HYAL1: variants seen among roughly 807,000 people sequenced by gnomAD.
HYAL1 encodes hyaluronidase 1.
A neutral mutation model predicts 28.8 loss-of-function variants in HYAL1; 21 were observed. That is an observed-to-expected ratio of 0.73 (90% confidence interval 0.52 to 1.05). The LOEUF (loss-of-function observed/expected upper bound fraction) is 1.05, where lower values mean the gene tolerates loss of function less well. Ranked by LOEUF, HYAL1 falls within the 50% of genes least tolerant of loss-of-function variation. The pLI is 0.00. For missense variants in HYAL1, 491 were observed against 579.2 expected (o/e 0.85, Z 1.56); for synonymous variants, 200 against 230.1 (o/e 0.87, Z 1.18).
upstream of HYAL1, among the ~76,000 whole-genome samples, chr3:50,308,120 C>T (rs929585606): frequency 6.7e-6 from 1 of 149,196 alleles, no homozygotes; most frequent in African/African-American, 2.5e-5. Flanking sequence ...TTTATATAAT[C>T]AAGTTGTCGT....
chr3:50,301,851 T>G (rs1342912514), intron 2 of HYAL1, among the ~76,000 whole-genome samples: 1 of 150,284 alleles, frequency 6.7e-6, no homozygotes, highest in African/African-American at 2.5e-5. Context: ...ACTCGGAGGC[T>G]GAGGCAGGAG....
intron 1 of HYAL1, among the ~76,000 whole-genome samples, chr3:50,311,723 T>C (rs1190556761): frequency 1.3e-4 from 15 of 117,980 alleles, no homozygotes; most frequent in South Asian, 2.9e-4. Flanking sequence ...GTGGGGCTGA[T>C]CCCCCCACCT....
chr3:50,311,401 C>T lies in HYAL1; in HGVS notation c.-310+863G>A, dbSNP rs1285700193. 9.4e-4 allele frequency among the ~76,000 whole-genome samples: 130 copies of T among 137,948 alleles called. 2 individuals are homozygous for T. Among genetic ancestry groups the T allele is most frequent in the Non-Finnish European group, 1.4e-3 (90 of 62,870 alleles). The allele number at this position is 137,948 out of a possible 152,430, so 90.5% of individuals were successfully genotyped here. ...CCCAGTAGGGGCGGCCGGGCAGAGGCGCCCCTCACCTCCCGGATGGGGCGG... is the reference window on the plus strand; with the variant it reads ...CCCAGTAGGGGCGGCCGGGCAGAGGTGCCCCTCACCTCCCGGATGGGGCGG... On this transcript the variant is annotated intron_variant, in intron 1 of 5. Transcript: ENST00000320295.
upstream of HYAL1, among the ~76,000 whole-genome samples, chr3:50,305,073 A>G (rs1559823140): frequency 6.6e-6 from 1 of 152,220 alleles, no homozygotes; most frequent in Admixed American, 6.5e-5. Context: ...GCTTACAGAC[A>G]TAGATGCATA....
At chr3:50,300,942 C>CGGGGGGGGGGGGGGGGGGGGGGG in intron 3 of HYAL1, 46 bp downstream of exon 3, 1 of 535,868 alleles carries the variant, frequency 1.9e-6, no homozygotes, top group South Asian at 1.5e-5. Context: ...AGCTTAATGG[C>CGGGGGGGGGGGGGGGGGGGGGGG]CCCACCCCTC....
Position 50,302,084 on chromosome 3 carries a change from A to G in HYAL1, c.873T>C (p.Tyr291=), listed in dbSNP as rs1239417242. 23 of 1,614,116 alleles carry G rather than the reference A, an allele frequency of 1.4e-5. No homozygotes were observed. The highest frequency in any genetic ancestry group is 1.7e-5 in the Non-Finnish European group (20 of 1,180,046). Residue 291 remains tyrosine (Y), a synonymous_variant, in exon 2 of 4, where the codon TAT becomes TAC. Coordinates refer to ENST00000395144, the MANE Select transcript of HYAL1 (RefSeq NM_033159.4). This position sits in a 1 kb window ranked among gnomAD's most constrained non-coding sequence, Gnocchi z 5.0. ...GGGGCAGAAAGTGGTTTGTCGTGTC[A>G]TAGAAGATCTGGACATAGGGCAGCA... ...LPVLPYVQIF[Y]DTTNHFLPLD... is the part of the protein sequence containing the mutation.
At chr3:50,301,615 CAAAAAAAAAA>C (rs34686771) in intron 2 of HYAL1, among the ~76,000 whole-genome samples, 1 of 45,918 alleles carries the variant, frequency 2.2e-5, no homozygotes, top group African/African-American at 8.5e-5. Context: ...GACTCCGTCT[CAAAAAAAAAA>C]AAAAAAAAAG....
In HYAL1 at chr3:50,300,582, G is replaced by A. The variant is rs1553712428; in HGVS notation, c.1209C>T (p.Ala403=). Residue 403 remains alanine (A), a synonymous_variant, in exon 4 of 4, where the codon GCC becomes GCT. Coordinates refer to ENST00000395144, the MANE Select transcript of HYAL1 (RefSeq NM_033159.4). Reference sequence around the variant, plus strand: ...TCTGTGCCTGATCTTCAAGTGAGAGGGCACCCCGCAGGCTCAGGGGCCCAC... The same window carrying A: ...TCTGTGCCTGATCTTCAAGTGAGAGAGCACCCCGCAGGCTCAGGGGCCCAC... ...PGGGPLSLRG[A]LSLEDQAQMA... is the part of the protein sequence containing the mutation. The A allele has an allele frequency of 5.0e-6, 8 of 1,614,202 alleles. No homozygotes were observed. The Admixed American group carries it at 1.3e-4, about 27-fold the overall frequency.
chr3:50,305,382 T>A (rs1553713863), upstream of HYAL1, among the ~76,000 whole-genome samples: 1 of 151,918 alleles, frequency 6.6e-6, no homozygotes, highest in Non-Finnish European at 1.5e-5. Context: ...TAGCTGGGAC[T>A]ACAGGCGCCC....
rs1702083003 is a variant in HYAL1, at chr3:50,300,546, C to T, written c.1245G>A (p.Glu415=). The T allele has an allele frequency of 1.9e-6, 3 of 1,614,270 alleles. No individual in the cohort carries two copies. The highest frequency in any genetic ancestry group is 4.5e-5 in the East Asian group (2 of 44,892). ...AGCCAGGGTAGCATCGACATTTGAA[C>T]TCCACAGCCATCTGTGCCTGATCTT... ...SLEDQAQMAV[E]FKCRCYPGWQ... The change falls in exon 4 of 4, where the codon GAG becomes GAA. Residue 415 remains glutamate (E), a synonymous_variant. Coordinates refer to ENST00000395144, the MANE Select transcript of HYAL1 (RefSeq NM_033159.4).
At position 50,302,635 on chromosome 3, in the gene HYAL1, G is replaced by C; in HGVS notation, c.322C>G (p.Arg108Gly). Residue 108 changes from arginine (R) to glycine (G), a missense_variant, in exon 2 of 4, where the codon CGC becomes GGC. Transcript: ENST00000395144. This position sits in a 1 kb window ranked among gnomAD's most constrained non-coding sequence, Gnocchi z 5.0. ...QNASLIAHLA[R>G]TFQDILAAIP... is the part of the protein sequence containing the mutation. ...GCAGCCAGGATGTCCTGGAATGTGC[G>C]GGCCAGGTGGGCAATCAGGCTGGCA... The C allele has an allele frequency of 1.6e-5, 26 of 1,614,184 alleles. No individual in the cohort carries two copies. Among genetic ancestry groups the C allele is most frequent in the Non-Finnish European group, 2.1e-5 (25 of 1,180,048 alleles).
At chr3:50,311,260 C>G (rs7372248) in intron 1 of HYAL1, among the ~76,000 whole-genome samples, 1 of 115,630 alleles carries the variant, frequency 8.6e-6, no homozygotes, top group Non-Finnish European at 1.9e-5. Flanking sequence ...CCGGCCGGGG[C>G]GGGGGGCTGA....
upstream of HYAL1, among the ~76,000 whole-genome samples, chr3:50,305,772 G>C (rs1005920691): frequency 6.6e-6 from 1 of 151,104 alleles, no homozygotes; most frequent in Non-Finnish European, 1.5e-5. Flanking sequence ...CTGACCTTGT[G>C]ATCTGCCCAC....
upstream of HYAL1, among the ~76,000 whole-genome samples, chr3:50,304,314 T>A (rs1354974812): frequency 6.0e-3 from 423 of 69,932 alleles, 10 homozygotes; most frequent in East Asian, 0.024. Context: ...TATATATATA[T>A]ATATATATAT....
Position 50,300,539 on chromosome 3 carries a change from A to T in HYAL1, c.1252T>A (p.Cys418Ser). Residue 418 changes from cysteine (C) to serine (S), a missense_variant, in exon 4 of 4, where the codon TGT becomes AGT. Coordinates refer to ENST00000395144, the MANE Select transcript of HYAL1 (RefSeq NM_033159.4). ...DQAQMAVEFK[C>S]RCYPGWQAPW... ...GCCTGCCAGCCAGGGTAGCATCGAC[A>T]TTTGAACTCCACAGCCATCTGTGCC... The T allele has an allele frequency of 6.2e-7, 1 of 1,614,224 alleles. No individual in the cohort carries two copies. The highest frequency in any genetic ancestry group is 8.5e-7 in the Non-Finnish European group (1 of 1,180,038).
In HYAL1 at chr3:50,300,986, A is replaced by T; in HGVS notation, c.990+2T>A. On this transcript the variant is annotated splice_donor_variant, in intron 3 of 3. Coordinates refer to ENST00000395144, the MANE Select transcript of HYAL1 (RefSeq NM_033159.4). LOFTEE classifies it high-confidence loss of function. ...CCACCCTCATGCCAGGCCTAAGCTC[A>T]CCTTGGTTCTTGTATTTTCCCAGCT... is the stretch of plus-strand genomic sequence containing the variant. 1 of 1,075,618 alleles carries T rather than the reference A, an allele frequency of 9.3e-7. No homozygotes were observed. The highest frequency in any genetic ancestry group is 1.3e-6 in the Non-Finnish European group (1 of 787,136). The allele number at this position is 1,075,618 out of a possible 1,614,324, so 66.6% of individuals were successfully genotyped here.
intron 1 of HYAL1, among the ~76,000 whole-genome samples, chr3:50,312,072 AC>A (rs1269610258): frequency 7.3e-5 from 7 of 95,304 alleles, no homozygotes; most frequent in African/African-American, 1.1e-4. Flanking sequence ...CGGGGGGCTG[AC>A]CCCCCCACCT....
In HYAL1 at chr3:50,303,050, G is replaced by T. The variant is rs148999238; in HGVS notation, c.-24-70C>A. ...ATTCCCCCACTGCTCAGGGCTGGGG[G>T]GCTGAGCCCTTGCGCATTAATCCAC... is the stretch of plus-strand genomic sequence containing the variant. On this transcript the variant is annotated intron_variant, in intron 1 of 3. Coordinates refer to ENST00000395144, the MANE Select transcript of HYAL1 (RefSeq NM_033159.4). 2.1e-3 allele frequency: 2,535 copies of T among 1,228,608 alleles called. 38 individuals carry two copies. In the African/African-American group the frequency reaches 0.035, roughly 17 times the overall value. 76.1% of individuals were successfully genotyped at this position (1,228,608 alleles called of 1,614,324 possible). A position where few individuals can be genotyped will look rare whatever the true frequency, so the allele number is the denominator to read the frequency against.
At chr3:50,308,442 A>ATAT (rs782455940), upstream of HYAL1, among the ~76,000 whole-genome samples, 6 of 149,410 alleles carry the variant, frequency 4.0e-5, no homozygotes, top group South Asian at 2.1e-4. Context: ...GTCGTATTAT[A>ATAT]TATTATTATT....
Sources: allele counts gnomAD v4.1 joint callset (sites outside exome capture counted in the v4.1 genomes callset), GRCh38; gene constraint gnomAD v4.1.1; non-coding constraint Gnocchi (gnomAD v3.1); transcripts MANE v1.5; gene names NCBI Gene and HGNC (gene_info 2026-07-23, HGNC 2026-07-21).